The following AP1M1 variants were observed in gnomAD, a reference collection of about 807,000 sequenced individuals.
The protein encoded by AP1M1 is adaptor related protein complex 1 subunit mu 1.
AP1M1 carries 18 observed loss-of-function variants against 57.1 expected under a neutral mutation model. That is an observed-to-expected ratio of 0.32 (90% CI 0.22 to 0.47). AP1M1 has a LOEUF of 0.47. AP1M1 is among the 20% of genes least tolerant of loss of function. The probability of loss-of-function intolerance (pLI) is 1.00; values close to 1 mark genes in which losing one functional copy is unlikely to be tolerated. For missense variants in AP1M1, 362 were observed against 593.5 expected, an observed-to-expected ratio of 0.61 and a Z score of 4.05; for synonymous variants, 241 against 237.9, an observed-to-expected ratio of 1.01 and a Z score of -0.12.
intron 5 of AP1M1, among the ~76,000 whole-genome samples, chr19:16,218,913 G>A (rs950942102): frequency 2.6e-5 from 4 of 152,122 alleles, no homozygotes; most frequent in African/African-American, 9.7e-5. Flanking sequence ...TGTTGAATAT[G>A]AGTGGTGAGA....
At chr19:16,205,784 T>G (rs909540166) in intron 2 of AP1M1, among the ~76,000 whole-genome samples, 7 of 152,184 alleles carry the variant, frequency 4.6e-5, no homozygotes, top group African/African-American at 1.7e-4. Context: ...TACATTGCCT[T>G]GGTGAGTTCA....
At position 16,203,862 on chromosome 19, in the gene AP1M1, G is replaced by C. The variant is rs921555101; in HGVS notation, c.199+247G>C. On this transcript the variant is annotated intron_variant, in intron 2 of 11. Coordinates refer to ENST00000291439, the MANE Select transcript of AP1M1 (RefSeq NM_032493.4). The surrounding 1 kb of genome is among the most constrained non-coding windows in gnomAD (Gnocchi z 4.6). ...AGCCCAGGGGCCCAGGAAGGGAAAT[G>C]ACACCCTGGAGGAAGCCTGCAGGGA... 9.2e-5 allele frequency among the ~76,000 whole-genome samples: 14 copies of C among 152,176 alleles called. No individual in the cohort carries two copies. The highest frequency in any genetic ancestry group is 3.4e-4 in the African/African-American group (14 of 41,438).
At position 16,237,185 on chromosome 19, in the gene AP1M1, A is replaced by C. The variant is rs942386207; in HGVS notation, c.*2750A>C. 6.6e-6 allele frequency: 1 copy of C among 152,124 alleles called. No individual in the cohort carries two copies. The highest frequency in any genetic ancestry group is 2.4e-5 in the African/African-American group (1 of 41,410). The allele number at this position is 152,124 out of a possible 1,614,324, so 9.4% of individuals were successfully genotyped here. On this transcript the variant is annotated 3_prime_UTR_variant, in exon 12 of 12. Coordinates refer to ENST00000291439, the MANE Select transcript of AP1M1 (RefSeq NM_032493.4). ...GTGGTGGCTCACGCCCGTGAGCCCA[A>C]TACTTTGGGAAGCCGAGGCAGACCG...
chr19:16,226,892 A>T, intron 6 of AP1M1: 1 of 214,220 alleles, frequency 4.7e-6, no homozygotes, highest in Non-Finnish European at 9.3e-6. Context: ...CTTGGGCCCT[A>T]GGTGTGGGCC....
chr19:16,233,427 G>A, intron 9 of AP1M1, 66 bp from the exon 10 acceptor site: 1 of 1,487,330 alleles, frequency 6.7e-7, no homozygotes, highest in Non-Finnish European at 8.9e-7. Flanking sequence ...TCGCCACTAG[G>A]GCCAGAGCTG....
At chr19:16,230,620 C>T (rs548068056) in intron 9 of AP1M1, among the ~76,000 whole-genome samples, 1 of 152,022 alleles carries the variant, frequency 6.6e-6, no homozygotes, top group Non-Finnish European at 1.5e-5. Flanking sequence ...AAGCTGGTGA[C>T]GAACTCCTGA....
chr19:16,217,126 T>C (rs1251131266), intron 5 of AP1M1, among the ~76,000 whole-genome samples: 1 of 152,166 alleles, frequency 6.6e-6, no homozygotes, highest in Non-Finnish European at 1.5e-5. Flanking sequence ...CAGGACTGTG[T>C]GTGCCCTTTG....
chr19:16,208,764 G>A (rs748876170), intron 4 of AP1M1: 5 of 365,950 alleles, frequency 1.4e-5, no homozygotes. Flanking sequence ...TCCCAACATG[G>A]TCTTCTTGGT....
At chr19:16,208,330 C>G in intron 4 of AP1M1, 181 bp downstream of exon 4, 2 of 575,888 alleles carry the variant, frequency 3.5e-6, no homozygotes, top group Non-Finnish European at 5.8e-6. Flanking sequence ...GTTTCCTCCT[C>G]TACGCCCCCA....
Sources: allele counts gnomAD v4.1 joint callset (sites outside exome capture counted in the v4.1 genomes callset), GRCh38; gene constraint gnomAD v4.1.1; non-coding constraint Gnocchi (gnomAD v3.1); transcripts MANE v1.5; gene names NCBI Gene and HGNC (gene_info 2026-07-23, HGNC 2026-07-21).